The following ZNF106 variants were observed in gnomAD, a reference collection of about 807,000 sequenced individuals.
The protein encoded by ZNF106 is zinc finger protein 106.
Under a neutral mutation model 195.1 loss-of-function variants are expected in ZNF106, and 67 were observed. The ratio of observed to expected loss-of-function variants is 0.34; its 90% confidence interval spans 0.28 to 0.42. ZNF106 has a LOEUF of 0.42. ZNF106 is among the 10% of genes least tolerant of loss of function. ZNF106 has a pLI of 1.00. For missense variants in ZNF106, 2,118 were observed against 2,304.5 expected (o/e 0.92, Z 1.66); for synonymous variants, 784 against 818.6 (o/e 0.96, Z 0.72).
intron 3 of ZNF106, among the ~76,000 whole-genome samples, chr15:42,461,559 G>C (rs973427172): frequency 3.9e-5 from 6 of 152,188 alleles, no homozygotes; most frequent in Non-Finnish European, 8.8e-5. Context: ...ATCTGGAGAT[G>C]TTACTTACGG....
chr15:42,416,298 C>T lies in ZNF106; in HGVS notation c.*1006G>A, dbSNP rs531807356. 39 of 152,442 alleles carry T rather than the reference C, an allele frequency of 2.6e-4. 1 individual carries two copies. Among genetic ancestry groups the T allele is most frequent in the Admixed American group, 2.0e-3 (31 of 15,300 alleles). 9.4% of individuals were successfully genotyped at this position (152,442 alleles called of 1,614,324 possible). A position where few individuals can be genotyped will look rare whatever the true frequency, so the allele number is the denominator to read the frequency against. On this transcript the variant is annotated 3_prime_UTR_variant, in exon 22 of 22. Transcript: ENST00000564754. ...TATTCAGATGCTTTATTCTAACCCC[C>T]TCTCCCCCACCATCTTAGTTGCTGC... is the stretch of plus-strand genomic sequence containing the variant.
chr15:42,418,505 A>G (rs2054535960), intron 20 of ZNF106, among the ~76,000 whole-genome samples: 2 of 145,870 alleles, frequency 1.4e-5, no homozygotes, highest in Admixed American at 1.4e-4. Context: ...AGTTGGGATT[A>G]CAGGCGTGCA....
At chr15:42,470,529 A>C (rs1567028956) in intron 2 of ZNF106, among the ~76,000 whole-genome samples, 1 of 152,228 alleles carries the variant, frequency 6.6e-6, no homozygotes, top group Non-Finnish European at 1.5e-5. Context: ...AAAAAGGAAA[A>C]TAAATAAAAA....
At position 42,479,620 on chromosome 15, in the gene ZNF106, T is replaced by C. The variant is rs191460206; in HGVS notation, c.-32-7299A>G. ...ACTTTGGGAGGCCAAGGCGGGCAGATCACCAGAGGTCAGGAGTTTGAGACC... is the reference window on the plus strand; with the variant it reads ...ACTTTGGGAGGCCAAGGCGGGCAGACCACCAGAGGTCAGGAGTTTGAGACC... On this transcript the variant is annotated intron_variant, in intron 1 of 21. Coordinates refer to ENST00000564754, the MANE Select transcript of ZNF106 (RefSeq NM_001366845.3). Among the ~76,000 whole-genome samples, 176 of 152,126 alleles carry C rather than the reference T, an allele frequency of 1.2e-3. 1 individual carries two copies. Among genetic ancestry groups the C allele is most frequent in the Non-Finnish European group, 2.1e-3 (141 of 68,000 alleles).
intron 14 of ZNF106, among the ~76,000 whole-genome samples, chr15:42,434,050 T>C (rs1442355382): frequency 6.6e-6 from 1 of 152,152 alleles, no homozygotes; most frequent in Non-Finnish European, 1.5e-5. Context: ...TCTTGCTATG[T>C]TGCCCAGGTT....
chr15:42,461,156 C>G (rs771069277), intron 3 of ZNF106, among the ~76,000 whole-genome samples: 2 of 152,220 alleles, frequency 1.3e-5, no homozygotes, highest in Non-Finnish European at 2.9e-5. Context: ...TCTATTACCT[C>G]TGTTCTCTAC....
chr15:42,415,091 A>T lies in ZNF106; in HGVS notation c.*2213T>A, dbSNP rs867162861. 4.1e-5 allele frequency: 8 copies of T among 196,126 alleles called. No individual in the cohort carries two copies. The South Asian group carries it at 5.1e-4, about 12-fold the overall frequency. The allele number at this position is 196,126 out of a possible 1,614,324, so 12.1% of individuals were successfully genotyped here. ...CTTGTGGGGCCATATATTATCTAGT[A>T]CTAGGCCATTCATTATCTCCTAGAT... On this transcript the variant is annotated 3_prime_UTR_variant, in exon 22 of 22. Transcript: ENST00000564754.
chr15:42,468,985 G>A (rs1270981232), intron 2 of ZNF106, among the ~76,000 whole-genome samples: 1 of 151,942 alleles, frequency 6.6e-6, no homozygotes, highest in Non-Finnish European at 1.5e-5. Flanking sequence ...TTAGGAGTTC[G>A]AGACCAGCCT....
At chr15:42,454,489 T>G (rs905566373) in intron 4 of ZNF106, among the ~76,000 whole-genome samples, 1 of 151,868 alleles carries the variant, frequency 6.6e-6, no homozygotes, top group Non-Finnish European at 1.5e-5. Context: ...TTGGCTAGAT[T>G]CAGAAGATAG....
chr15:42,427,844 A>G (rs1338439692), intron 15 of ZNF106, 174 bp downstream of exon 15: 1 of 513,554 alleles, frequency 1.9e-6, no homozygotes, highest in African/African-American at 1.9e-5. Context: ...AGCAGAGAGA[A>G]TGGAGGATCT....
chr15:42,420,534 A>G (rs1351917065), intron 20 of ZNF106, among the ~76,000 whole-genome samples: 4 of 152,208 alleles, frequency 2.6e-5, no homozygotes, highest in African/African-American at 7.2e-5. Context: ...TCACGCCATC[A>G]ATGCTGAAAA....
intron 1 of ZNF106, among the ~76,000 whole-genome samples, chr15:42,477,447 C>G (rs139955863): frequency 6.6e-6 from 1 of 152,330 alleles, no homozygotes; most frequent in Non-Finnish European, 1.5e-5. Context: ...TACCCCACCT[C>G]TAGTTTCCCA....
rs565898975 is a variant in ZNF106, at chr15:42,428,787, G to A, written c.4882-653C>T. 2.6e-5 allele frequency among the ~76,000 whole-genome samples: 4 copies of A among 152,150 alleles called. No homozygotes were observed. In the East Asian group the frequency reaches 7.8e-4, roughly 30 times the overall value. On this transcript the variant is annotated intron_variant, in intron 14 of 21. Coordinates refer to ENST00000564754, the MANE Select transcript of ZNF106 (RefSeq NM_001366845.3). ...TCAAAAAACGATTTCTTTTTGAGAC[G>A]GAGTCCTGCTCTGTCGCCCAGGCTG...
chr15:42,441,947 C>A, intron 10 of ZNF106, 126 bp downstream of exon 10: 1 of 657,702 alleles, frequency 1.5e-6, no homozygotes, highest in Non-Finnish European at 2.6e-6. Flanking sequence ...GAAGAGAATT[C>A]CAGTGACAAA....
At chr15:42,471,970 A>G (rs1183578938) in intron 2 of ZNF106, among the ~76,000 whole-genome samples, 3 of 152,232 alleles carry the variant, frequency 2.0e-5, no homozygotes, top group Non-Finnish European at 2.9e-5. Context: ...TGGTTACTAA[A>G]TTTCTGTGTC....
At chr15:42,475,161 A>G (rs556286763) in intron 1 of ZNF106, among the ~76,000 whole-genome samples, 1 of 152,330 alleles carries the variant, frequency 6.6e-6, no homozygotes, top group East Asian at 1.9e-4. Flanking sequence ...TTATTCAATA[A>G]TAAAGTTCAG....
chr15:42,439,598 A>G lies in ZNF106; in HGVS notation c.3979T>C (p.Ser1327Pro), dbSNP rs749600381. 1 of 1,613,942 alleles carries G rather than the reference A, an allele frequency of 6.2e-7. No individual in the cohort carries two copies. The highest frequency in any genetic ancestry group is 1.3e-5 in the African/African-American group (1 of 74,894). ...AGAAAAGAACTGGTACAGGCTTCAG[A>G]CCCACTATTGCCTTTGGTTGGCTCT... is the stretch of plus-strand genomic sequence containing the variant. ...GEEPTKGNSG[S>P]EACTSSFLRL... The change falls in exon 11 of 22, where the codon TCT (serine) becomes CCT (proline). Residue 1327 changes from serine to proline, a missense_variant. Physicochemically the swap from Ser to Pro is moderately conservative, Grantham distance 74. Transcript: ENST00000564754.
At chr15:42,490,033 C>T (rs1188338092) in intron 1 of ZNF106, among the ~76,000 whole-genome samples, 2 of 147,910 alleles carry the variant, frequency 1.4e-5, no homozygotes, top group Non-Finnish European at 3.0e-5. Context: ...AGCGAAACTC[C>T]GTCCTAAAAA....
In ZNF106 at chr15:42,417,891, C is replaced by G; in HGVS notation, c.5578G>C (p.Asp1860His). ...VDHLKQHLLT[D>H]HTNPNFQTLK... Reference sequence around the variant, plus strand: ...GTCTGGAAGTTGGGATTAGTGTGGTCGGTCAGCAAGTGTTGTTTTAAATGA... The same window carrying G: ...GTCTGGAAGTTGGGATTAGTGTGGTGGGTCAGCAAGTGTTGTTTTAAATGA... Residue 1860 changes from aspartate (D) to histidine (H), a missense_variant, in exon 21 of 22, where the codon GAC (aspartate) becomes CAC (histidine). By Grantham distance (81) the Asp-to-His change is moderately conservative. Transcript: ENST00000564754. 1 of 1,614,032 alleles carries G rather than the reference C, an allele frequency of 6.2e-7. No individual in the cohort carries two copies. The highest frequency in any genetic ancestry group is 2.2e-5 in the East Asian group (1 of 44,878).
Sources: allele counts gnomAD v4.1 joint callset (sites outside exome capture counted in the v4.1 genomes callset), GRCh38; gene constraint gnomAD v4.1.1; transcripts MANE v1.5; gene names NCBI Gene and HGNC (gene_info 2026-07-23, HGNC 2026-07-21).